Variants in SMYD4 observed in about 807,000 individuals in gnomAD.
SMYD4 encodes SET and MYND domain containing 4, also known as protein-lysine N-methyltransferase SMYD4.
In SMYD4, 68 loss-of-function variants were observed where a neutral mutation model predicts 72.8. The observed-to-expected ratio is 0.93, with a 90% CI of 0.77 to 1.14. The LOEUF (loss-of-function observed/expected upper bound fraction) is 1.14, where lower values mean the gene tolerates loss of function less well. Ranked by LOEUF, SMYD4 falls within the 50% of genes most tolerant of loss-of-function variation. The probability of loss-of-function intolerance (pLI) is 0.00; values close to 1 mark genes in which losing one functional copy is unlikely to be tolerated. For synonymous variants in SMYD4, 407 were observed against 388.6 expected (o/e 1.05, Z -0.56); for missense variants, 984 against 1,003.7 (o/e 0.98, Z 0.27).
chr17:1,800,201 C>T lies in SMYD4; in HGVS notation c.1193G>A (p.Ser398Asn), dbSNP rs776445770. 13 of 1,610,368 alleles carry T rather than the reference C, an allele frequency of 8.1e-6. No individual in the cohort carries two copies. In the Admixed American group the frequency reaches 2.2e-4, roughly 27 times the overall value. ...CTCAACGATGTTGCCATTTTTCTCACTCTCCCCTAGGCCATAATTAAGTGT... is the reference window on the plus strand; with the variant it reads ...CTCAACGATGTTGCCATTTTTCTCATTCTCCCCTAGGCCATAATTAAGTGT... The part of the protein sequence containing the change: ...VKTLNYGLGE[S>N]EKNGNIVETP... Residue 398 changes from serine to asparagine, a missense_variant, in exon 5 of 11, where the codon AGT (serine) becomes AAT (asparagine). Transcript: ENST00000305513.
At chr17:1,782,822 AG>A (rs1388606510) in intron 10 of SMYD4, 1 of 495,672 alleles carries the variant, frequency 2.0e-6, no homozygotes, top group Non-Finnish European at 3.3e-6. Context: ...GCTACAGTGC[AG>A]TGGCGCGATC....
intron 5 of SMYD4, among the ~76,000 whole-genome samples, chr17:1,790,636 C>A (rs1448861785): frequency 1.3e-5 from 2 of 152,034 alleles, no homozygotes; most frequent in East Asian, 2.0e-4. Flanking sequence ...CCTGCCTCAG[C>A]CTCCTGAGTA....
intron 3 of SMYD4, among the ~76,000 whole-genome samples, chr17:1,806,583 A>C (rs545501696): frequency 1.3e-5 from 2 of 152,310 alleles, no homozygotes; most frequent in East Asian, 3.9e-4. Context: ...CAATCAATAA[A>C]ATGCAGATTA....
chr17:1,809,008 A>G (rs1345394326), intron 3 of SMYD4, among the ~76,000 whole-genome samples: 1 of 152,168 alleles, frequency 6.6e-6, no homozygotes, highest in African/African-American at 2.4e-5. Context: ...CCTGTTAAAG[A>G]TTCAGAGTAG....
intron 3 of SMYD4, among the ~76,000 whole-genome samples, chr17:1,806,019 GT>G (rs983535335): frequency 6.0e-4 from 90 of 150,940 alleles, no homozygotes; most frequent in African/African-American, 1.9e-3. Flanking sequence ...CAACTCCCGG[GT>G]TCGCGCCATT....
chr17:1,791,578 A>G (rs1336067817), intron 5 of SMYD4, among the ~76,000 whole-genome samples: 1 of 152,134 alleles, frequency 6.6e-6, no homozygotes, highest in Non-Finnish European at 1.5e-5. Context: ...ACTAAAAGAA[A>G]ATGAGATGAA....
chr17:1,788,139 G>A (rs1908805748), intron 5 of SMYD4, among the ~76,000 whole-genome samples: 1 of 152,074 alleles, frequency 6.6e-6, no homozygotes, highest in Admixed American at 6.6e-5. Flanking sequence ...CTTGAGCCCA[G>A]GAGTTCAAGG....
intron 5 of SMYD4, among the ~76,000 whole-genome samples, chr17:1,789,764 C>CAAAAAA (rs60740904): frequency 2.0e-4 from 18 of 90,138 alleles, no homozygotes; most frequent in East Asian, 3.0e-4. Flanking sequence ...GACTCTGTCT[C>CAAAAAA]AAAAAAAAAA....
At chr17:1,792,387 C>G (rs990126240) in intron 5 of SMYD4, among the ~76,000 whole-genome samples, 4 of 151,804 alleles carry the variant, frequency 2.6e-5, no homozygotes, top group South Asian at 2.1e-4. Flanking sequence ...GGTGGCTCAC[C>G]CCTGTAATCC....
chr17:1,788,615 C>T (rs1053288268), intron 5 of SMYD4, among the ~76,000 whole-genome samples: 10 of 151,744 alleles, frequency 6.6e-5, no homozygotes, highest in African/African-American at 1.2e-4. Context: ...TGTGGTGGTA[C>T]GTGCCTGTAG....
chr17:1,782,259 T>A (rs977326259), intron 10 of SMYD4: 1 of 152,088 alleles, frequency 6.6e-6, no homozygotes, highest in African/African-American at 2.4e-5. Context: ...GCTGGCTCCT[T>A]CTTTGCTGGG....
chr17:1,828,862 G>A (rs533257318), intron 1 of SMYD4, among the ~76,000 whole-genome samples: 1 of 152,068 alleles, frequency 6.6e-6, no homozygotes, highest in Non-Finnish European at 1.5e-5. Flanking sequence ...CTCCCAAAGC[G>A]CTGGGATTAC....
Position 1,784,539 on chromosome 17 carries a change from C to T in SMYD4, c.1885-78G>A, listed in dbSNP as rs1908549205. On this transcript the variant is annotated intron_variant, in intron 7 of 10. Coordinates refer to ENST00000305513, the MANE Select transcript of SMYD4 (RefSeq NM_052928.3). ...CGCCTGTGCTTACATTACAGGACTG[C>T]TCCATAGTTTCTTACCTCATGGGGG... 1.0e-5 allele frequency: 16 copies of T among 1,572,468 alleles called. No individual in the cohort carries two copies. The South Asian group carries it at 1.8e-4, about 18-fold the overall frequency.
chr17:1,784,313 G>A lies in SMYD4; in HGVS notation c.2020+13C>T. ...GAAGGGGCTGGAGGACCAAAGCAGG[G>A]AGCCAGTCTCACCTAGTTCACCATC... is the stretch of plus-strand genomic sequence containing the variant. On this transcript the variant is annotated intron_variant, in intron 8 of 10. Coordinates refer to ENST00000305513, the MANE Select transcript of SMYD4 (RefSeq NM_052928.3). 6.2e-7 allele frequency: 1 copy of A among 1,614,084 alleles called. No individual in the cohort carries two copies. The highest frequency in any genetic ancestry group is 8.5e-7 in the Non-Finnish European group (1 of 1,179,970).
chr17:1,800,394 C>G lies in SMYD4; in HGVS notation c.1000G>C (p.Glu334Gln). The change falls in exon 5 of 11, where the codon GAA becomes CAA. Residue 334 changes from glutamate (E) to glutamine (Q), a missense_variant. Transcript: ENST00000305513. ...QQAWELYHRT[E>Q]CPLGGLLLTL... is the part of the protein sequence containing the mutation. ...AGAAGCAGCCCTCCCAGAGGACATT[C>G]TGTCCTGTGGTAGAGCTCCCAGGCC... 1 of 1,614,208 alleles carries G rather than the reference C, an allele frequency of 6.2e-7. No individual in the cohort carries two copies. The highest frequency in any genetic ancestry group is 1.1e-5 in the South Asian group (1 of 91,084).
At chr17:1,797,787 A>G (rs1164235665) in intron 5 of SMYD4, among the ~76,000 whole-genome samples, 1 of 152,176 alleles carries the variant, frequency 6.6e-6, no homozygotes, top group East Asian at 1.9e-4. Flanking sequence ...GGCTCACCTG[A>G]GGTCAGGAGT....
chr17:1,808,022 C>T (rs940845134), intron 3 of SMYD4, among the ~76,000 whole-genome samples: 5 of 152,092 alleles, frequency 3.3e-5, no homozygotes, highest in Non-Finnish European at 7.4e-5. Context: ...AAATTAATAT[C>T]CCCATAGTCT....
At chr17:1,825,763 A>C (rs1911137288) in intron 2 of SMYD4, among the ~76,000 whole-genome samples, 1 of 151,640 alleles carries the variant, frequency 6.6e-6, no homozygotes. Flanking sequence ...TTTGGCTCCC[A>C]AAGTGCTAGG....
At chr17:1,807,242 C>T (rs536034360) in intron 3 of SMYD4, among the ~76,000 whole-genome samples, 137 of 151,806 alleles carry the variant, frequency 9.0e-4, no homozygotes, top group Non-Finnish European at 1.1e-3. Flanking sequence ...AGACAGGAAA[C>T]AAGCATCGAT....
Sources: allele counts gnomAD v4.1 joint callset (sites outside exome capture counted in the v4.1 genomes callset), GRCh38; gene constraint gnomAD v4.1.1; transcripts MANE v1.5; gene names NCBI Gene and HGNC (gene_info 2026-07-23, HGNC 2026-07-21).